The following NCAN variants were observed in gnomAD, a reference collection of about 807,000 sequenced individuals.
NCAN encodes neurocan core protein.
Under a neutral mutation model 121.8 loss-of-function variants are expected in NCAN, and 47 were observed. That is an observed-to-expected ratio of 0.39 (90% CI 0.31 to 0.49). NCAN has a LOEUF of 0.49. Ranked by LOEUF, NCAN falls within the 20% of genes least tolerant of loss-of-function variation. NCAN has a pLI of 0.92. For missense variants in NCAN, 1,517 were observed against 1,773.4 expected, an observed-to-expected ratio of 0.86 and a Z score of 2.60; for synonymous variants, 633 against 702.0, an observed-to-expected ratio of 0.90 and a Z score of 1.55.
intron 1 of NCAN, among the ~76,000 whole-genome samples, chr19:19,216,260 C>T (rs1599806205): frequency 6.6e-6 from 1 of 152,130 alleles, no homozygotes; most frequent in Non-Finnish European, 1.5e-5. Context: ...GCAATCCTCC[C>T]ACCTCAGCCT....
chr19:19,223,625 A>G (rs1413430364), intron 3 of NCAN, among the ~76,000 whole-genome samples: 1 of 151,964 alleles, frequency 6.6e-6, no homozygotes, highest in Non-Finnish European at 1.5e-5. Flanking sequence ...GACGCATGCC[A>G]CCATGCCCAG....
Position 19,228,362 on chromosome 19 carries a change from A to G in NCAN, c.2742A>G (p.Ser914=). ...AGACCCAGGGAACATCAGGAGCTTCAGTGCCTCCGCATCAGAGCAGTCCCC... is the reference window on the plus strand; with the variant it reads ...AGACCCAGGGAACATCAGGAGCTTCGGTGCCTCCGCATCAGAGCAGTCCCC... ...QVETQGTSGA[S]VPPHQSSPLG... Residue 914 remains serine, a synonymous_variant, in exon 8 of 15, where the codon TCA becomes TCG. Transcript: ENST00000252575. 3 of 1,613,874 alleles carry G rather than the reference A, an allele frequency of 1.9e-6. No homozygotes were observed. Among genetic ancestry groups the G allele is most frequent in the Non-Finnish European group, 2.5e-6 (3 of 1,180,018 alleles).
rs1037915851 is a variant in NCAN at position 19,228,020 on chromosome 19, G to C, written c.2400G>C (p.Gly800=). ...CAAGTTCCCCATCTGCCCCCCTGGG[G>C]AGCCCTGGAGTCTTCTTGGTACCCA... ...LDASSPSAPL[G]SPGVFLVPKV... Residue 800 remains glycine, a synonymous_variant, in exon 8 of 15, where the codon GGG becomes GGC. Coordinates refer to ENST00000252575, the MANE Select transcript of NCAN (RefSeq NM_004386.3). 4 of 1,613,406 alleles carry C rather than the reference G, an allele frequency of 2.5e-6. No individual in the cohort carries two copies. In the African/African-American group the frequency reaches 4.0e-5, roughly 16 times the overall value.
chr19:19,214,334 G>A (rs2060788318), intron 1 of NCAN, among the ~76,000 whole-genome samples: 1 of 152,126 alleles, frequency 6.6e-6, no homozygotes, highest in Admixed American at 6.6e-5. Flanking sequence ...ATGAGGGCAC[G>A]GGCCCCAGAC....
At chr19:19,214,793 C>G (rs1233542100) in intron 1 of NCAN, among the ~76,000 whole-genome samples, 1 of 151,158 alleles carries the variant, frequency 6.6e-6, no homozygotes, top group Non-Finnish European at 1.5e-5. Context: ...AATTCTCTGG[C>G]CTTGTCCTCT....
At position 19,227,094 on chromosome 19, in the gene NCAN, C is replaced by CGGGACCTACCTGGGGATCTGGAGGT; in HGVS notation, c.1660+23_1660+47dup. On this transcript the variant is annotated intron_variant, in intron 7 of 14. Coordinates refer to ENST00000252575, the MANE Select transcript of NCAN (RefSeq NM_004386.3). The surrounding 1 kb of genome is among the most constrained non-coding windows in gnomAD (Gnocchi z 4.2). The stretch of plus-strand genomic sequence containing the variant: ...AGCTGGTGAGTTGCTCTGGGGGAGG[C>CGGGACCTACCTGGGGATCTGGAGGT]GGGACCTACCTGGGGATCTGGAGGT... The CGGGACCTACCTGGGGATCTGGAGGT allele has an allele frequency of 1.3e-6, 2 of 1,502,870 alleles. No homozygotes were observed. Among genetic ancestry groups the CGGGACCTACCTGGGGATCTGGAGGT allele is most frequent in the South Asian group, 2.7e-5 (2 of 72,776 alleles). 93.1% of individuals were successfully genotyped at this position (1,502,870 alleles called of 1,614,324 possible).
In NCAN at chr19:19,227,926, C is replaced by A; in HGVS notation, c.2306C>A (p.Ser769Tyr). Residue 769 changes from serine (S) to tyrosine (Y), a missense_variant, in exon 8 of 15, where the codon TCT becomes TAT. Physicochemically the swap from Ser to Tyr is moderately radical, Grantham distance 144. Transcript: ENST00000252575. This position sits in a 1 kb window ranked among gnomAD's most constrained non-coding sequence, Gnocchi z 4.2. ...TTCGACACAGCAGAAAGCCCCACTT[C>A]TGGCTTGCAGGCCACTGTAGATGAG... Reference protein sequence around the residue: ...GVFDTAESPTSGLQATVDEVQ... With the variant: ...GVFDTAESPTYGLQATVDEVQ... The A allele has an allele frequency of 6.2e-7, 1 of 1,613,632 alleles. No individual in the cohort carries two copies. The highest frequency in any genetic ancestry group is 8.5e-7 in the Non-Finnish European group (1 of 1,180,022).
intron 13 of NCAN, among the ~76,000 whole-genome samples, chr19:19,246,307 G>A (rs551454221): frequency 1.3e-5 from 2 of 152,046 alleles, no homozygotes; most frequent in African/African-American, 4.8e-5. Flanking sequence ...CAAAGGGCAG[G>A]GATTACAAGC....
At chr19:19,236,156 G>T (rs1220759646) in intron 10 of NCAN, among the ~76,000 whole-genome samples, 1 of 152,092 alleles carries the variant, frequency 6.6e-6, no homozygotes, top group Non-Finnish European at 1.5e-5. Flanking sequence ...GAAACTCTGT[G>T]CCCACTAGGT....
chr19:19,224,378 G>C lies in NCAN; in HGVS notation c.723G>C (p.Gly241=). ...GCCTTCCAGGGGTTCGGAGCTATGG[G>C]AGGCGCAACCCACAGGAACTCTACG... ...RSSLPGVRSY[G]RRNPQELYDV... The change falls in exon 5 of 15, where the codon GGG becomes GGC. Residue 241 remains glycine, a synonymous_variant. Transcript: ENST00000252575. 1.2e-6 allele frequency: 2 copies of C among 1,614,092 alleles called. No homozygotes were observed. Among genetic ancestry groups the C allele is most frequent in the Non-Finnish European group, 1.7e-6 (2 of 1,180,004 alleles).
chr19:19,237,385 A>G (rs2060885026), intron 10 of NCAN, among the ~76,000 whole-genome samples: 1 of 151,890 alleles, frequency 6.6e-6, no homozygotes, highest in African/African-American at 2.4e-5. Flanking sequence ...GGTACTTGGG[A>G]GGCTGAGGCA....
intron 8 of NCAN, among the ~76,000 whole-genome samples, chr19:19,230,532 G>A (rs11668734): frequency 0.073 from 10,982 of 150,210 alleles, 723 homozygotes; most frequent in African/African-American, 0.17. Flanking sequence ...AGGCTCCCAA[G>A]CAGCTGGGAC....
chr19:19,230,022 C>T (rs1417914890), intron 8 of NCAN, among the ~76,000 whole-genome samples: 1 of 152,056 alleles, frequency 6.6e-6, no homozygotes, highest in Non-Finnish European at 1.5e-5. Flanking sequence ...ATTAATAAGT[C>T]TTTTTTTCTG....
chr19:19,248,853 G>A lies in NCAN; in HGVS notation c.3791G>A (p.Trp1264Ter), dbSNP rs2060935719. Residue 1264 changes from tryptophan (W) to a stop codon, truncating the protein, a stop_gained, in exon 14 of 15, where the codon TGG (tryptophan) becomes TAG (stop). Coordinates refer to ENST00000252575, the MANE Select transcript of NCAN (RefSeq NM_004386.3). LOFTEE classifies it high-confidence loss of function. ...ATIRCRSNGK[W>*]DRPQIVCTKP... ...ATTCGATGCCGGAGCAATGGCAAGT[G>A]GGACAGGCCCCAAATTGTCTGCACC... 1.2e-6 allele frequency: 2 copies of A among 1,614,202 alleles called. No homozygotes were observed. Among genetic ancestry groups the A allele is most frequent in the Non-Finnish European group, 1.7e-6 (2 of 1,180,032 alleles).
rs2060943689 is a variant in NCAN at position 19,250,798 on chromosome 19, C to T, written c.*887C>T. On this transcript the variant is annotated 3_prime_UTR_variant, in exon 15 of 15. Coordinates refer to ENST00000252575, the MANE Select transcript of NCAN (RefSeq NM_004386.3). ...AGTTTTCTAGCCCAGTGCACATACC[C>T]AGTCCTTAAGCAGACATTGGTAGTG... 6.5e-6 allele frequency: 1 copy of T among 154,872 alleles called. No individual in the cohort carries two copies. Among genetic ancestry groups the T allele is most frequent in the East Asian group, 1.8e-4 (1 of 5,532 alleles). 9.6% of individuals were successfully genotyped at this position (154,872 alleles called of 1,614,324 possible).
intron 12 of NCAN, among the ~76,000 whole-genome samples, chr19:19,243,755 CG>C (rs2060912886): frequency 6.6e-6 from 1 of 151,532 alleles, no homozygotes; most frequent in Non-Finnish European, 1.5e-5. Context: ...TGGCCAGGTG[CG>C]GTGGCTCACG....
intron 1 of NCAN, among the ~76,000 whole-genome samples, chr19:19,215,169 G>C (rs1216431763): frequency 6.6e-6 from 1 of 152,216 alleles, no homozygotes; most frequent in Admixed American, 6.5e-5. Context: ...CCCAGCAGGG[G>C]ACTCTGGGAG....
Position 19,250,269 on chromosome 19 carries a change from A to G in NCAN, c.*358A>G, listed in dbSNP as rs1306200838. ...TGCATGAGTGTATGTTTGCATTCACATGAAGGAATTGCTTTTCACACCAGA... is the reference window on the plus strand; with the variant it reads ...TGCATGAGTGTATGTTTGCATTCACGTGAAGGAATTGCTTTTCACACCAGA... On this transcript the variant is annotated 3_prime_UTR_variant, in exon 15 of 15. Coordinates refer to ENST00000252575, the MANE Select transcript of NCAN (RefSeq NM_004386.3). The G allele has an allele frequency of 7.1e-6, 3 of 422,134 alleles. No homozygotes were observed. Among genetic ancestry groups the G allele is most frequent in the African/African-American group, 2.0e-5 (1 of 48,820 alleles). 26.1% of individuals were successfully genotyped at this position (422,134 alleles called of 1,614,324 possible).
In NCAN at chr19:19,225,405, C is replaced by T; in HGVS notation, c.1072+135C>T. ...GATAAGCCACATCCCTGGGTGAGGG[C>T]CACGCCCCCGGGTGAAGGCCACACC... On this transcript the variant is annotated intron_variant, in intron 6 of 14. Transcript: ENST00000252575. This position sits in a 1 kb window ranked among gnomAD's most constrained non-coding sequence, Gnocchi z 4.0. 8.7e-7 allele frequency: 1 copy of T among 1,143,586 alleles called. No individual in the cohort carries two copies. Among genetic ancestry groups the T allele is most frequent in the Non-Finnish European group, 1.2e-6 (1 of 856,360 alleles). 70.8% of individuals were successfully genotyped at this position (1,143,586 alleles called of 1,614,324 possible).
Sources: allele counts gnomAD v4.1 joint callset (sites outside exome capture counted in the v4.1 genomes callset), GRCh38; gene constraint gnomAD v4.1.1; non-coding constraint Gnocchi (gnomAD v3.1); transcripts MANE v1.5; gene names NCBI Gene and HGNC (gene_info 2026-07-23, HGNC 2026-07-21).